The following SRGAP2C variants were observed in gnomAD, a reference collection of about 807,000 sequenced individuals.
SRGAP2C encodes SLIT-ROBO Rho GTPase activating protein 2C, also known as SLIT-ROBO Rho GTPase-activating protein 2C.
A neutral mutation model predicts 25.1 loss-of-function variants in SRGAP2C; 15 were observed. The observed-to-expected ratio is 0.60, with a 90% CI of 0.40 to 0.92. SRGAP2C has a LOEUF of 0.92. Ranked by LOEUF, SRGAP2C falls within the 40% of genes least tolerant of loss-of-function variation. The probability of loss-of-function intolerance (pLI) is 0.00; values close to 1 mark genes in which losing one functional copy is unlikely to be tolerated. For missense variants in SRGAP2C, 144 were observed against 264.4 expected, an observed-to-expected ratio of 0.54 and a Z score of 3.16; for synonymous variants, 44 against 96.6, an observed-to-expected ratio of 0.46 and a Z score of 3.19.
At chr1:121,244,310 A>C (rs1656189585) in intron 2 of SRGAP2C, among the ~76,000 whole-genome samples, 1 of 115,498 alleles carries the variant, frequency 8.7e-6, no homozygotes, top group East Asian at 2.1e-4. Flanking sequence ...ACTTTGGTAA[A>C]AAAATAAATG....
intron 8 of SRGAP2C, among the ~76,000 whole-genome samples, chr1:121,383,148 T>G (rs1254716244): frequency 8.7e-5 from 13 of 150,256 alleles, no homozygotes; most frequent in Non-Finnish European, 1.9e-4. Context: ...CTCGGGGAGC[T>G]TACAGTCTGG....
At chr1:121,259,292 GA>G (rs1266830404) in intron 2 of SRGAP2C, among the ~76,000 whole-genome samples, 1 of 149,898 alleles carries the variant, frequency 6.7e-6, no homozygotes, top group Non-Finnish European at 1.5e-5. Flanking sequence ...ACAACTTGGT[GA>G]AAAATACTAA....
At chr1:121,298,099 T>C (rs1408384788) in intron 3 of SRGAP2C, among the ~76,000 whole-genome samples, 1 of 151,648 alleles carries the variant, frequency 6.6e-6, no homozygotes, top group Non-Finnish European at 1.5e-5. Flanking sequence ...CTGATTTTTA[T>C]GGTATAGCTA....
At chr1:121,327,938 A>G (rs1243935452) in intron 4 of SRGAP2C, among the ~76,000 whole-genome samples, 1 of 152,212 alleles carries the variant, frequency 6.6e-6, no homozygotes, top group African/African-American at 2.4e-5. Flanking sequence ...GGTCTATGTG[A>G]TCTCCATGGT....
At chr1:121,347,654 G>A (rs1353422315) in intron 4 of SRGAP2C, among the ~76,000 whole-genome samples, 16 of 152,196 alleles carry the variant, frequency 1.1e-4, no homozygotes, top group African/African-American at 1.7e-4. Flanking sequence ...CAGAACTGAC[G>A]AGTCCACCCC....
chr1:121,355,349 G>A lies in SRGAP2C; in HGVS notation c.424-9944G>A, dbSNP rs587704984. Among the ~76,000 whole-genome samples the A allele has an allele frequency of 3.8e-4, 25 of 66,652 alleles. No homozygotes were observed. The East Asian group carries it at 0.01, about 27-fold the overall frequency. The allele number at this position is 66,652 out of a possible 152,430, so 43.7% of individuals were successfully genotyped here. On this transcript the variant is annotated intron_variant, in intron 4 of 9. Coordinates refer to ENST00000367123, the MANE Select transcript of SRGAP2C (RefSeq NM_001329984.2). ...TTTTTTTTTTTTGAGACGGAGTTTC[G>A]CTCTGTCACCCAGGCTGGAGTGCAG...
At chr1:121,361,720 T>C (rs1659195661) in intron 4 of SRGAP2C, 1 of 152,338 alleles carries the variant, frequency 6.6e-6, no homozygotes, top group African/African-American at 2.4e-5. Context: ...TCCCATCCGA[T>C]AGAACCAGAA....
chr1:121,296,233 G>T (rs1380894332), intron 3 of SRGAP2C, among the ~76,000 whole-genome samples: 2 of 152,008 alleles, frequency 1.3e-5, no homozygotes, highest in Admixed American at 6.6e-5. Context: ...GAGATTTTTT[G>T]GCTGTTGGTA....
At chr1:121,340,706 T>A (rs1414774335) in intron 4 of SRGAP2C, among the ~76,000 whole-genome samples, 1 of 150,260 alleles carries the variant, frequency 6.7e-6, no homozygotes, top group Admixed American at 6.6e-5. Context: ...GGGGAAAGAA[T>A]TGGGCCGATG....
intron 3 of SRGAP2C, among the ~76,000 whole-genome samples, chr1:121,314,688 T>C (rs1420093956): frequency 6.6e-6 from 1 of 150,622 alleles, no homozygotes; most frequent in Non-Finnish European, 1.5e-5. Flanking sequence ...CCCTGCTGTG[T>C]GAGGTGTCAG....
intron 4 of SRGAP2C, among the ~76,000 whole-genome samples, chr1:121,353,201 GA>G (rs1658969924): frequency 7.3e-6 from 1 of 137,200 alleles, no homozygotes; most frequent in African/African-American, 2.8e-5. Flanking sequence ...GGGTGGGAGG[GA>G]CAGAGTCTTG....
chr1:121,189,103 T>TTTTTTTC (rs1654604684), intron 2 of SRGAP2C, among the ~76,000 whole-genome samples: 1 of 94,186 alleles, frequency 1.1e-5, no homozygotes, highest in African/African-American at 4.8e-5. Flanking sequence ...TGTCTTTTTT[T>TTTTTTTC]TTTTTTTTTT....
intron 4 of SRGAP2C, among the ~76,000 whole-genome samples, chr1:121,345,903 G>A (rs1261509224): frequency 1.9e-4 from 24 of 129,262 alleles, no homozygotes; most frequent in African/African-American, 5.8e-4. Flanking sequence ...CACCCGCCTC[G>A]GCCTCCCAAA....
At chr1:121,322,826 G>A (rs1658239866) in intron 3 of SRGAP2C, among the ~76,000 whole-genome samples, 1 of 151,902 alleles carries the variant, frequency 6.6e-6, no homozygotes, top group Admixed American at 6.6e-5. Flanking sequence ...AATCACAAGT[G>A]CCTGGCCTTT....
chr1:121,310,666 A>G (rs1657961906), intron 3 of SRGAP2C, among the ~76,000 whole-genome samples: 1 of 84,928 alleles, frequency 1.2e-5, no homozygotes, highest in Non-Finnish European at 2.5e-5. Flanking sequence ...TCCCAGCACC[A>G]TTTATTAAAT....
intron 4 of SRGAP2C, among the ~76,000 whole-genome samples, chr1:121,328,889 TAAA>T (rs1300958463): frequency 1.3e-3 from 98 of 75,214 alleles, no homozygotes; most frequent in Admixed American, 2.8e-3. Context: ...CCTGTCTGTT[TAAA>T]AAAAAAAAAA....
chr1:121,195,673 A>G (rs1472424428), intron 2 of SRGAP2C, among the ~76,000 whole-genome samples: 1 of 143,994 alleles, frequency 6.9e-6, no homozygotes, highest in East Asian at 2.1e-4. Context: ...TTTCGACCAC[A>G]TTTCTTATTT....
chr1:121,263,288 C>T (rs1437588343), intron 2 of SRGAP2C, among the ~76,000 whole-genome samples: 4 of 151,508 alleles, frequency 2.6e-5, no homozygotes, highest in Non-Finnish European at 5.9e-5. Flanking sequence ...CACACCACTG[C>T]ACTCTAGCCT....
chr1:121,372,234 C>T (rs1265030373), intron 5 of SRGAP2C, among the ~76,000 whole-genome samples: 2 of 152,142 alleles, frequency 1.3e-5, no homozygotes, highest in African/African-American at 4.8e-5. Context: ...CTGCCTCTAG[C>T]TGATCGTAGG....
Sources: gnomAD v4.1 joint callset for allele counts (sites outside exome capture counted in the v4.1 genomes callset) on GRCh38, gnomAD v4.1.1 for gene constraint, MANE v1.5 for transcripts, NCBI Gene and HGNC (gene_info 2026-07-23, HGNC 2026-07-21) for gene names.